Variants in PRKAR1A observed in about 807,000 individuals in gnomAD.
PRKAR1A encodes the protein protein kinase cAMP-dependent type I regulatory subunit alpha, also known as cAMP-dependent protein kinase type I-alpha regulatory subunit.
PRKAR1A carries 3 observed loss-of-function variants against 52.0 expected under a neutral mutation model. The observed-to-expected ratio is 0.06, with a 90% CI of 0.03 to 0.15. The LOEUF (loss-of-function observed/expected upper bound fraction) is 0.15. Among genes scored for constraint, PRKAR1A ranks in the 10% least tolerant of loss-of-function variants. PRKAR1A has a pLI of 1.00. For synonymous variants in PRKAR1A, 188 were observed against 168.4 expected, an observed-to-expected ratio of 1.12 and a Z score of -0.90; for missense variants, 240 against 477.4, an observed-to-expected ratio of 0.50 and a Z score of 4.63.
At chr17:68,453,896 T>A in the PRKAR1A span, among the ~76,000 whole-genome samples, 1 of 152,172 alleles carries the variant, frequency 6.6e-6, no homozygotes, top group East Asian at 1.9e-4. Flanking sequence ...CACACCTGGA[T>A]GTATATTAAA....
In PRKAR1A at chr17:68,531,948, A is replaced by G. The variant is rs1200764447; in HGVS notation, c.*1499A>G. On this transcript the variant is annotated 3_prime_UTR_variant, in exon 11 of 11. Transcript: ENST00000589228. ...AGCATTTTTCCATCTGTGTGCAACTAACTGACTCTGTTATTGATCCCTTCT... is the reference window on the plus strand; with the variant it reads ...AGCATTTTTCCATCTGTGTGCAACTGACTGACTCTGTTATTGATCCCTTCT... 5.6e-6 allele frequency: 6 copies of G among 1,065,934 alleles called. No homozygotes were observed. The highest frequency in any genetic ancestry group is 1.6e-5 in the African/African-American group (1 of 61,096). The allele number at this position is 1,065,934 out of a possible 1,614,324, so 66.0% of individuals were successfully genotyped here. A position where few individuals can be genotyped will look rare whatever the true frequency, so the allele number is the denominator to read the frequency against.
intron 11 of PRKAR1A, chr17:68,541,508 T>G: frequency 5.3e-6 from 1 of 187,964 alleles, no homozygotes; most frequent in Non-Finnish European, 1.1e-5. Context: ...GATGGATCGA[T>G]TCACTCAGTC....
downstream of PRKAR1A, chr17:68,536,461 C>T (rs948310085): frequency 2.2e-6 from 1 of 453,952 alleles, no homozygotes; most frequent in Non-Finnish European, 4.4e-6. Flanking sequence ...GACAAGGAAT[C>T]CCTACTACAC....
downstream of PRKAR1A, chr17:68,535,264 G>A: frequency 2.2e-6 from 1 of 453,758 alleles, no homozygotes. Context: ...GTAATGGAAG[G>A]TTGAAAGATA....
rs531113236 is a variant in PRKAR1A at position 68,521,486 on chromosome 17, C to T, written c.178-1270C>T. 4.6e-5 allele frequency among the ~76,000 whole-genome samples: 7 copies of T among 152,364 alleles called. No homozygotes were observed. In the East Asian group the frequency reaches 1.3e-3, roughly 29 times the overall value. ...ACTCAAGTGATCTGCCACCTTCGGC[C>T]TCCCAAAGGGTTGTGATTATAGGCG... On this transcript the variant is annotated intron_variant, in intron 2 of 10. Coordinates refer to ENST00000589228, the MANE Select transcript of PRKAR1A (RefSeq NM_002734.5).
At chr17:68,541,122 G>A in intron 11 of PRKAR1A, 2 of 974,248 alleles carry the variant, frequency 2.1e-6, no homozygotes, top group Non-Finnish European at 1.5e-6. Context: ...GACGCGTAAG[G>A]CTGCATATTC....
rs1218443536 is a variant in PRKAR1A, at chr17:68,532,992, C to A, written c.*2543C>A. 3 of 1,065,672 alleles carry A rather than the reference C, an allele frequency of 2.8e-6. No homozygotes were observed. The highest frequency in any genetic ancestry group is 3.4e-6 in the Non-Finnish European group (3 of 879,664). The allele number at this position is 1,065,672 out of a possible 1,614,324, so 66.0% of individuals were successfully genotyped here. On this transcript the variant is annotated 3_prime_UTR_variant, in exon 11 of 11. Coordinates refer to ENST00000589228, the MANE Select transcript of PRKAR1A (RefSeq NM_002734.5). ...GATGTAGCAGATTTATTTACTTAGT[C>A]ATGGAAAGAAAAAAATTCAGTCAAA...
the PRKAR1A span, among the ~76,000 whole-genome samples, chr17:68,449,065 CATTT>C: frequency 2.0e-5 from 3 of 152,120 alleles, no homozygotes; most frequent in Non-Finnish European, 4.4e-5. Context: ...ATTTAAAAAG[CATTT>C]ATTTGTCTCA....
At chr17:68,430,009 A>G in the PRKAR1A span, 3 of 1,614,204 alleles carry the variant, frequency 1.9e-6, no homozygotes, top group Non-Finnish European at 1.7e-6. Flanking sequence ...GAGAGGGTAC[A>G]GATGTTCCTC....
At chr17:68,426,254 G>GGGGGGGT in the PRKAR1A span, 2 of 816,914 alleles carry the variant, frequency 2.4e-6, no homozygotes, top group Non-Finnish European at 3.9e-6. Flanking sequence ...GGGAGCGGGG[G>GGGGGGGT]CTCAAATAAA....
At chr17:68,491,354 A>G in the PRKAR1A span, among the ~76,000 whole-genome samples, 1 of 152,242 alleles carries the variant, frequency 6.6e-6, no homozygotes, top group African/African-American at 2.4e-5. Context: ...AACCTCCCAA[A>G]GTGCTGGGAT....
At chr17:68,426,124 T>C in the PRKAR1A span, 1 of 1,612,426 alleles carries the variant, frequency 6.2e-7, no homozygotes, top group South Asian at 1.1e-5. Flanking sequence ...CGTCGCAAAC[T>C]CATGTTCAGG....
the PRKAR1A span, among the ~76,000 whole-genome samples, chr17:68,433,996 T>A: frequency 6.6e-6 from 1 of 151,998 alleles, no homozygotes; most frequent in Admixed American, 6.6e-5. Context: ...TTGGCCAGGC[T>A]GGTCCTCAGG....
chr17:68,543,419 C>T (rs570535694), intron 11 of PRKAR1A, among the ~76,000 whole-genome samples: 3 of 152,256 alleles, frequency 2.0e-5, no homozygotes, highest in East Asian at 1.9e-4. Context: ...TTGTTCTTTT[C>T]GTTACATTCG....
chr17:68,516,572 TG>T (rs2143170844), intron 2 of PRKAR1A, among the ~76,000 whole-genome samples: 1 of 152,260 alleles, frequency 6.6e-6, no homozygotes, highest in Non-Finnish European at 1.5e-5. Context: ...TATTTTCCAT[TG>T]GTTTTTATAG....
chr17:68,535,853 A>G (rs1399607917), downstream of PRKAR1A: 1 of 453,684 alleles, frequency 2.2e-6, no homozygotes, highest in African/African-American at 2.0e-5. Context: ...ATTGGGTGGG[A>G]TACTGTTGGG....
At chr17:68,511,546 T>C (rs1325104008), upstream of PRKAR1A, among the ~76,000 whole-genome samples, 5 of 152,160 alleles carry the variant, frequency 3.3e-5, no homozygotes, top group South Asian at 2.1e-4. Context: ...TCAGGAGTGA[T>C]GGGGGGGCAC....
At chr17:68,513,017 A>C (rs975222285) in intron 1 of PRKAR1A, 7 of 152,174 alleles carry the variant, frequency 4.6e-5, no homozygotes, top group Non-Finnish European at 2.9e-5. Flanking sequence ...CGTCATTGCT[A>C]GCAGTAGCCT....
chr17:68,457,637 A>T, the PRKAR1A span: 1 of 330,758 alleles, frequency 3.0e-6, no homozygotes, highest in East Asian at 6.0e-5. Context: ...TCGCCCCTCC[A>T]GCTGGTCCCG....
Sources: allele counts gnomAD v4.1 joint callset (sites outside exome capture counted in the v4.1 genomes callset), GRCh38; gene constraint gnomAD v4.1.1; transcripts MANE v1.5; gene names NCBI Gene and HGNC (gene_info 2026-07-23, HGNC 2026-07-21).